CSMD1: variants seen among roughly 807,000 people sequenced by gnomAD.
The protein encoded by CSMD1 is CUB and Sushi multiple domains 1, also known as CUB and sushi domain-containing protein 1.
A neutral mutation model predicts 417.5 loss-of-function variants in CSMD1; 213 were observed. The ratio of observed to expected loss-of-function variants is 0.51; its 90% CI spans 0.46 to 0.57. CSMD1 has a LOEUF of 0.57. Among genes scored for constraint, CSMD1 ranks in the 20% least tolerant of loss-of-function variants. The pLI is 0.00. For synonymous variants in CSMD1, 2,862 were observed against 1,736.8 expected (o/e 1.65, Z -16.11); for missense variants, 6,923 against 4,529.7 (o/e 1.53, Z -15.17).
At chr8:4,461,926 A>G (rs1488703691) in intron 2 of CSMD1, among the ~76,000 whole-genome samples, 1 of 151,846 alleles carries the variant, frequency 6.6e-6, no homozygotes, top group East Asian at 1.9e-4. Flanking sequence ...TATTTTTAGA[A>G]GAGACGGGGT....
chr8:4,458,659 A>G (rs1799629548), intron 2 of CSMD1, among the ~76,000 whole-genome samples: 1 of 152,236 alleles, frequency 6.6e-6, no homozygotes, highest in African/African-American at 2.4e-5. Flanking sequence ...GTATTCTCAA[A>G]GGTCCTTGTC....
chr8:4,340,685 T>G (rs1376586905), intron 3 of CSMD1, among the ~76,000 whole-genome samples: 3 of 151,986 alleles, frequency 2.0e-5, no homozygotes. Flanking sequence ...AGGCTGGAGT[T>G]TATTAGAAGT....
chr8:3,666,883 G>A (rs371236955), intron 7 of CSMD1, among the ~76,000 whole-genome samples: 1 of 152,124 alleles, frequency 6.6e-6, no homozygotes, highest in African/African-American at 2.4e-5. Context: ...TTTATCAGCA[G>A]CATGAAAATG....
At chr8:4,544,164 G>C (rs1465836403) in intron 2 of CSMD1, among the ~76,000 whole-genome samples, 1 of 152,042 alleles carries the variant, frequency 6.6e-6, no homozygotes, top group East Asian at 1.9e-4. Context: ...TCACACCTTT[G>C]ATGTTGTATG....
At chr8:3,462,237 A>C (rs961751962) in intron 12 of CSMD1, among the ~76,000 whole-genome samples, 3 of 151,934 alleles carry the variant, frequency 2.0e-5, no homozygotes, top group Non-Finnish European at 4.4e-5. Context: ...GGTCAATGGC[A>C]CCAAGCCTGG....
intron 3 of CSMD1, among the ~76,000 whole-genome samples, chr8:4,256,270 G>T (rs1204855211): frequency 6.6e-6 from 1 of 152,262 alleles, no homozygotes; most frequent in East Asian, 1.9e-4. Flanking sequence ...CTTAACAGAG[G>T]TTTCACGATG....
At chr8:3,365,221 A>C (rs1278696980) in intron 20 of CSMD1, among the ~76,000 whole-genome samples, 1 of 152,212 alleles carries the variant, frequency 6.6e-6, no homozygotes, top group African/African-American at 2.4e-5. Flanking sequence ...TGATTACAAC[A>C]AATTTCCAAG....
intron 2 of CSMD1, among the ~76,000 whole-genome samples, chr8:4,442,054 T>C (rs1798514351): frequency 6.6e-6 from 1 of 152,148 alleles, no homozygotes. Context: ...GGAAACCCAT[T>C]TTGTTTCAAA....
At chr8:4,255,587 C>A (rs1363918837) in intron 3 of CSMD1, among the ~76,000 whole-genome samples, 4 of 152,146 alleles carry the variant, frequency 2.6e-5, no homozygotes, top group Non-Finnish European at 4.4e-5. Flanking sequence ...ACACAGAAAT[C>A]TTTGCATAAA....
rs901587119 is a variant in CSMD1, at chr8:4,162,150, C to T, written c.416-130051G>A. 3.3e-5 allele frequency among the ~76,000 whole-genome samples: 5 copies of T among 152,138 alleles called. No individual in the cohort carries two copies. In the East Asian group the frequency reaches 7.7e-4, roughly 23 times the overall value. ...TAAATAAACTAAACCAGTGCGACAT[C>T]GTAATTAGTTTCCCTGCCTGCTTTG... On this transcript the variant is annotated intron_variant, in intron 3 of 69. Transcript: ENST00000635120.
chr8:4,273,297 T>C (rs1476278679), intron 3 of CSMD1, among the ~76,000 whole-genome samples: 1 of 152,174 alleles, frequency 6.6e-6, no homozygotes, highest in Non-Finnish European at 1.5e-5. Flanking sequence ...TATATGTATA[T>C]AATTTTTCCA....
At chr8:4,182,633 A>G (rs1235070543) in intron 3 of CSMD1, among the ~76,000 whole-genome samples, 3 of 152,278 alleles carry the variant, frequency 2.0e-5, no homozygotes, top group African/African-American at 7.2e-5. Flanking sequence ...TATCATATAT[A>G]CTCATTTTCA....
chr8:4,443,640 G>A (rs995279546), intron 2 of CSMD1, among the ~76,000 whole-genome samples: 4 of 152,180 alleles, frequency 2.6e-5, no homozygotes, highest in Non-Finnish European at 4.4e-5. Flanking sequence ...GAACAGCCAT[G>A]CCGTTGACGT....
rs374458900 is a variant in CSMD1 at position 3,029,320 on chromosome 8, T to A, written c.7854A>T (p.Arg2618=). 3.5e-5 allele frequency: 56 copies of A among 1,603,390 alleles called. No individual in the cohort carries two copies. Among genetic ancestry groups the A allele is most frequent in the Admixed American group, 5.1e-5 (3 of 58,896 alleles). Residue 2618 remains arginine, a splice_region_variant and synonymous_variant, in exon 51 of 70, where the codon CGA becomes CGT. Transcript: ENST00000635120. ...AGGGGTGCCTCCCTCATCACTTACC[T>A]CGACAGCTTGGCCTCTCATCTCCTA... is the stretch of plus-strand genomic sequence containing the variant. The part of the protein sequence containing the change: ...WNIGDERPSC[R]VISCGSLSFP...
At chr8:4,307,348 G>C (rs918154571) in intron 3 of CSMD1, among the ~76,000 whole-genome samples, 3 of 152,114 alleles carry the variant, frequency 2.0e-5, no homozygotes, top group Admixed American at 2.0e-4. Context: ...AAATGAGTCA[G>C]AGCAATGGGA....
intron 5 of CSMD1, among the ~76,000 whole-genome samples, chr8:3,954,239 G>A (rs1239923994): frequency 6.6e-6 from 1 of 152,238 alleles, no homozygotes; most frequent in Non-Finnish European, 1.5e-5. Context: ...CAAGTCCAGA[G>A]CAGGAGTGGA....
chr8:3,633,495 A>C (rs868286437), intron 7 of CSMD1, among the ~76,000 whole-genome samples: 4 of 152,244 alleles, frequency 2.6e-5, no homozygotes, highest in Non-Finnish European at 5.9e-5. Context: ...TTTAGAAGTC[A>C]AATACAGATG....
chr8:4,054,159 T>C (rs1483223024), intron 3 of CSMD1, among the ~76,000 whole-genome samples: 3 of 152,118 alleles, frequency 2.0e-5, no homozygotes, highest in Non-Finnish European at 2.9e-5. Flanking sequence ...GAACTCCTCA[T>C]TACCACCATC....
At chr8:3,842,837 T>C (rs769027852) in intron 5 of CSMD1, among the ~76,000 whole-genome samples, 1 of 152,182 alleles carries the variant, frequency 6.6e-6, no homozygotes, top group Non-Finnish European at 1.5e-5. Flanking sequence ...AGATGGCTGC[T>C]ACAATAAATG....
Sources: allele counts gnomAD v4.1 joint callset (sites outside exome capture counted in the v4.1 genomes callset), GRCh38; gene constraint gnomAD v4.1.1; transcripts MANE v1.5; gene names NCBI Gene and HGNC (gene_info 2026-07-23, HGNC 2026-07-21).